DLC1: variants seen among roughly 807,000 people sequenced by gnomAD.
The protein encoded by DLC1 is rho GTPase-activating protein 7.
Under a neutral mutation model 140.3 loss-of-function variants are expected in DLC1, and 54 were observed. The observed-to-expected ratio is 0.38, with a 90% CI of 0.31 to 0.48. DLC1 has a LOEUF of 0.48. DLC1 is among the 20% of genes least tolerant of loss of function. The pLI, the probability that DLC1 is intolerant of heterozygous loss-of-function variation, is 0.96. For missense variants in DLC1, 2,536 were observed against 1,907.0 expected, an observed-to-expected ratio of 1.33 and a Z score of -6.14; for synonymous variants, 986 against 728.1, an observed-to-expected ratio of 1.35 and a Z score of -5.70.
At chr8:13,532,886 C>T (rs1469856963) in intron 1 of DLC1, among the ~76,000 whole-genome samples, 3 of 152,108 alleles carry the variant, frequency 2.0e-5, no homozygotes, top group African/African-American at 7.2e-5. Context: ...TTCATGTTAA[C>T]CCCAAGTATT....
At chr8:13,399,618 A>G (rs914408546) in intron 3 of DLC1, among the ~76,000 whole-genome samples, 1 of 152,190 alleles carries the variant, frequency 6.6e-6, no homozygotes, top group African/African-American at 2.4e-5. Context: ...GTGCCTGGGT[A>G]AAACCAGGCT....
intron 1 of DLC1, among the ~76,000 whole-genome samples, chr8:13,533,419 A>C (rs1240076680): frequency 6.6e-6 from 1 of 152,182 alleles, no homozygotes; most frequent in Non-Finnish European, 1.5e-5. Flanking sequence ...AAAATAACTT[A>C]TTTGGACCCC....
intron 5 of DLC1, among the ~76,000 whole-genome samples, chr8:13,248,054 G>T (rs796545866): frequency 3.9e-5 from 6 of 152,210 alleles, no homozygotes; most frequent in African/African-American, 1.4e-4. Context: ...TGGAACTGAA[G>T]CTCCAGGAAA....
intron 2 of DLC1, among the ~76,000 whole-genome samples, chr8:13,427,624 C>G (rs551438781): frequency 3.3e-5 from 5 of 152,144 alleles, no homozygotes; most frequent in Non-Finnish European, 7.3e-5. Context: ...ATTGGTCCCC[C>G]TCTCTCTGTG....
At chr8:13,166,627 C>T (rs1364289235) in intron 5 of DLC1, among the ~76,000 whole-genome samples, 2 of 152,234 alleles carry the variant, frequency 1.3e-5, no homozygotes, top group Non-Finnish European at 2.9e-5. Context: ...GCCGTGGCTC[C>T]AGGCCCGATT....
chr8:13,588,657 C>G lies in DLC1; in HGVS notation c.-126+15880G>C, dbSNP rs539861227. ...GAAAGTTCAAATAAAAATCTTGGTA[C>G]AATTTACCTCTAACTTTTGGCTCAA... On this transcript the variant is annotated intron_variant, in intron 1 of 1. Coordinates refer to the DLC1 transcript ENST00000631382. Among the ~76,000 whole-genome samples, 7 of 152,108 alleles carry G rather than the reference C, an allele frequency of 4.6e-5. No individual in the cohort carries two copies. The South Asian group carries it at 1.2e-3, about 27-fold the overall frequency.
chr8:13,424,226 C>T (rs1007933247), intron 2 of DLC1, among the ~76,000 whole-genome samples: 10 of 152,054 alleles, frequency 6.6e-5, no homozygotes, highest in African/African-American at 9.7e-5. Flanking sequence ...AGGCCGGGTT[C>T]GGTGGCTCAC....
intron 4 of DLC1, among the ~76,000 whole-genome samples, chr8:13,333,822 C>T (rs184044970): frequency 2.0e-4 from 31 of 152,244 alleles, no homozygotes; most frequent in Admixed American, 6.5e-4. Context: ...TGAGGCTTCA[C>T]AATAGAGTAG....
intron 2 of DLC1, among the ~76,000 whole-genome samples, chr8:13,469,773 C>G (rs1206154981): frequency 2.0e-5 from 3 of 152,128 alleles, no homozygotes; most frequent in Non-Finnish European, 2.9e-5. Flanking sequence ...GTTACAATGC[C>G]TTTCTAGAAA....
chr8:13,528,300 T>C (rs1443375344), intron 1 of DLC1, among the ~76,000 whole-genome samples: 1 of 152,138 alleles, frequency 6.6e-6, no homozygotes, highest in Non-Finnish European at 1.5e-5. Flanking sequence ...CTTTCATGAA[T>C]TTCAATGACC....
rs774668968 is a variant in DLC1 at position 13,086,356 on chromosome 8, C to G, written c.4400G>C (p.Arg1467Thr). 1.9e-6 allele frequency: 3 copies of G among 1,614,206 alleles called. No individual in the cohort carries two copies. The South Asian group carries it at 3.3e-5, about 18-fold the overall frequency. The change falls in exon 17 of 18, where the codon AGG (arginine) becomes ACG (threonine). Residue 1467 changes from arginine (R) to threonine (T), a missense_variant. Transcript: ENST00000276297. ...TGGCCCACAGGGTTCAATCAAATACCTGGACAAGAGCACATTAACCCTCAC... is the reference window on the plus strand; with the variant it reads ...TGGCCCACAGGGTTCAATCAAATACGTGGACAAGAGCACATTAACCCTCAC... ...VGVRVNVLLS[R>T]YLIEPCGPGK...
intron 5 of DLC1, among the ~76,000 whole-genome samples, chr8:13,264,953 A>G (rs775839599): frequency 2.0e-5 from 3 of 152,212 alleles, no homozygotes; most frequent in African/African-American, 4.8e-5. Flanking sequence ...TTACAAAAGC[A>G]ATTAGTACAT....
intron 5 of DLC1, among the ~76,000 whole-genome samples, chr8:13,230,797 A>G (rs997659110): frequency 6.6e-6 from 1 of 151,786 alleles, no homozygotes; most frequent in Non-Finnish European, 1.5e-5. Context: ...GGGTTTCACT[A>G]TGTTGGCCAG....
At chr8:13,210,349 T>C (rs2117104519) in intron 5 of DLC1, among the ~76,000 whole-genome samples, 1 of 152,286 alleles carries the variant, frequency 6.6e-6, no homozygotes, top group East Asian at 1.9e-4. Context: ...AGATCAAAGA[T>C]CACAGCACTG....
intron 5 of DLC1, chr8:13,276,556 C>G: frequency 7.8e-7 from 1 of 1,276,278 alleles, no homozygotes; most frequent in Non-Finnish European, 9.8e-7. Context: ...TGCAGGCGGC[C>G]TCCTGGCCCG....
intron 5 of DLC1, among the ~76,000 whole-genome samples, chr8:13,288,945 C>T (rs914279621): frequency 2.6e-5 from 4 of 152,112 alleles, no homozygotes; most frequent in African/African-American, 9.7e-5. Flanking sequence ...TTATATATGG[C>T]CTTTTATATG....
rs540018108 is a variant in DLC1 at position 13,139,424 on chromosome 8, G to C, written c.1349-23767C>G. Among the ~76,000 whole-genome samples, 27 of 150,338 alleles carry C rather than the reference G, an allele frequency of 1.8e-4. 1 individual carries two copies. The South Asian group carries it at 5.7e-3, about 32-fold the overall frequency. The stretch of plus-strand genomic sequence containing the variant: ...CCCAACTATGAACCAGCCCAGCATA[G>C]TACTTTCATCATTCAACAAATATTT... On this transcript the variant is annotated intron_variant, in intron 5 of 17. Coordinates refer to ENST00000276297, the MANE Select transcript of DLC1 (RefSeq NM_182643.3).
chr8:13,343,380 G>A (rs891039749), intron 4 of DLC1, among the ~76,000 whole-genome samples: 1 of 152,132 alleles, frequency 6.6e-6, no homozygotes, highest in African/African-American at 2.4e-5. Context: ...GTGCAGTGTG[G>A]TGTCCTCAAT....
chr8:13,494,913 T>C (rs1801433156), intron 2 of DLC1, among the ~76,000 whole-genome samples: 1 of 152,098 alleles, frequency 6.6e-6, no homozygotes, highest in South Asian at 2.1e-4. Context: ...ATCACACCCC[T>C]GCACTCCAGC....
Sources: gnomAD v4.1 joint callset for allele counts (sites outside exome capture counted in the v4.1 genomes callset) on GRCh38, gnomAD v4.1.1 for gene constraint, MANE v1.5 for transcripts, NCBI Gene and HGNC (gene_info 2026-07-23, HGNC 2026-07-21) for gene names.